Variants in PAMR1 observed in about 807,000 individuals in gnomAD.
The protein encoded by PAMR1 is peptidase domain containing associated with muscle regeneration 1.
Under a neutral mutation model 81.8 loss-of-function variants are expected in PAMR1, and 88 were observed. That is an observed-to-expected ratio of 1.08 (90% CI 0.91 to 1.28). PAMR1 has a LOEUF of 1.28. Ranked by LOEUF, PAMR1 falls within the 50% of genes most tolerant of loss-of-function variation. The pLI is 0.00. For synonymous variants in PAMR1, 336 were observed against 345.3 expected (o/e 0.97, Z 0.30); for missense variants, 935 against 919.7 (o/e 1.02, Z -0.21).
chr11:35,493,310 G>C (rs1361110208), intron 2 of PAMR1, among the ~76,000 whole-genome samples: 2 of 152,072 alleles, frequency 1.3e-5, no homozygotes, highest in African/African-American at 4.8e-5. Flanking sequence ...AATATCTTCA[G>C]TATATAGCCT....
chr11:35,451,000 T>A (rs1856406826), intron 6 of PAMR1, among the ~76,000 whole-genome samples: 1 of 152,218 alleles, frequency 6.6e-6, no homozygotes, highest in Admixed American at 6.5e-5. Context: ...CAAGAAAGAT[T>A]GAGTGATATT....
chr11:35,470,875 C>T (rs983808738), intron 4 of PAMR1, 57 bp from the exon 5 acceptor site: 82 of 1,240,752 alleles, frequency 6.6e-5, no homozygotes, highest in East Asian at 4.7e-4. Context: ...GTCCTGAGAC[C>T]GCTGGGCTCA....
chr11:35,464,622 G>A (rs1336365922), intron 6 of PAMR1, among the ~76,000 whole-genome samples: 4 of 152,080 alleles, frequency 2.6e-5, no homozygotes, highest in South Asian at 2.1e-4. Context: ...AATCACCCCT[G>A]GTTGAGAACC....
chr11:35,494,181 G>A lies in PAMR1; in HGVS notation c.165C>T (p.Cys55=). The A allele has an allele frequency of 3.1e-6, 5 of 1,613,844 alleles. No individual in the cohort carries two copies. Among genetic ancestry groups the A allele is most frequent in the Non-Finnish European group, 4.2e-6 (5 of 1,179,724 alleles). Residue 55 remains cysteine, a synonymous_variant, in exon 2 of 11, where the codon TGC becomes TGT. Coordinates refer to ENST00000619888, the MANE Select transcript of PAMR1 (RefSeq NM_001001991.3). ...CCEYDQIECV[C]PGKREVVGYT... is the part of the protein sequence containing the mutation. The stretch of plus-strand genomic sequence containing the variant: ...AACCCACGACTTCCCTCTTTCCGGG[G>A]CAGACGCACTCAATCTGATCATATT...
intron 3 of PAMR1, among the ~76,000 whole-genome samples, chr11:35,480,564 T>C (rs1275253517): frequency 6.6e-6 from 1 of 152,252 alleles, no homozygotes; most frequent in Non-Finnish European, 1.5e-5. Flanking sequence ...TTTTGTTTTA[T>C]TTCAGATAAT....
chr11:35,483,627 G>T (rs2135391538), intron 3 of PAMR1, among the ~76,000 whole-genome samples: 1 of 152,128 alleles, frequency 6.6e-6, no homozygotes, highest in East Asian at 1.9e-4. Flanking sequence ...CGAATCTCTT[G>T]CTCATCCTGG....
chr11:35,497,508 C>G lies in PAMR1; in HGVS notation c.74-3236G>C, dbSNP rs143196594. Among the ~76,000 whole-genome samples the G allele has an allele frequency of 9.8e-3, 1,497 of 152,250 alleles. 12 individuals are homozygous for G. Among genetic ancestry groups the G allele is most frequent in the Non-Finnish European group, 0.017 (1,178 of 68,004 alleles). On this transcript the variant is annotated intron_variant, in intron 1 of 10. Coordinates refer to ENST00000619888, the MANE Select transcript of PAMR1 (RefSeq NM_001001991.3). Reference sequence around the variant, plus strand: ...GATACAGGTGATGGTTGCACAATCACAGGAATCTAATTAACGCCACAGAAT... The same window carrying G: ...GATACAGGTGATGGTTGCACAATCAGAGGAATCTAATTAACGCCACAGAAT...
chr11:35,467,488 C>G (rs1856778539), intron 6 of PAMR1, among the ~76,000 whole-genome samples: 1 of 152,120 alleles, frequency 6.6e-6, no homozygotes, highest in Non-Finnish European at 1.5e-5. Context: ...AAAACATGAC[C>G]ATATAGTTTG....
chr11:35,436,237 G>A, intron 8 of PAMR1, 102 bp from the exon 9 acceptor site: 3 of 738,042 alleles, frequency 4.1e-6, no homozygotes, highest in African/African-American at 3.5e-5. Context: ...TTTGTTTACA[G>A]AAACAGAAAA....
intron 2 of PAMR1, among the ~76,000 whole-genome samples, chr11:35,493,590 G>A (rs1441347289): frequency 6.6e-6 from 1 of 151,910 alleles, no homozygotes; most frequent in African/African-American, 2.4e-5. Context: ...CTCCCCATCC[G>A]CCTCACCTTG....
chr11:35,483,852 C>T (rs1046415465), intron 3 of PAMR1, among the ~76,000 whole-genome samples: 4 of 152,152 alleles, frequency 2.6e-5, no homozygotes, highest in African/African-American at 9.7e-5. Context: ...AACATGAATT[C>T]TCTGTGGTCA....
At chr11:35,492,903 C>G (rs1392097805) in intron 2 of PAMR1, among the ~76,000 whole-genome samples, 1 of 152,182 alleles carries the variant, frequency 6.6e-6, no homozygotes, top group East Asian at 1.9e-4. Context: ...TCCCACTTAA[C>G]AAAATGGAGA....
intron 8 of PAMR1, among the ~76,000 whole-genome samples, chr11:35,438,687 G>C (rs1465993487): frequency 1.3e-5 from 2 of 152,164 alleles, no homozygotes; most frequent in Non-Finnish European, 2.9e-5. Flanking sequence ...TCACATTTTG[G>C]GGAGGGTGAG....
chr11:35,485,948 G>A (rs1445700442), intron 3 of PAMR1, among the ~76,000 whole-genome samples: 1 of 152,240 alleles, frequency 6.6e-6, no homozygotes, highest in Non-Finnish European at 1.5e-5. Flanking sequence ...ATATGTAGGC[G>A]ACCCTTAACG....
At position 35,510,498 on chromosome 11, in the gene PAMR1, C is replaced by T. The variant is rs563215099; in HGVS notation, c.73+15015G>A. 8.1e-4 allele frequency among the ~76,000 whole-genome samples: 100 copies of T among 123,602 alleles called. 1 individual carries two copies. The highest frequency in any genetic ancestry group is 5.9e-3 in the Middle Eastern group (1 of 170). The allele number at this position is 123,602 out of a possible 152,430, so 81.1% of individuals were successfully genotyped here. A position where few individuals can be genotyped will look rare whatever the true frequency, so the allele number is the denominator to read the frequency against. On this transcript the variant is annotated intron_variant, in intron 1 of 10. Coordinates refer to ENST00000619888, the MANE Select transcript of PAMR1 (RefSeq NM_001001991.3). ...CCCCCGGAAACAGTACACTTTTTAT[C>T]CCCCCAAAAAAAGAGTTCCTTGTGA...
intron 1 of PAMR1, among the ~76,000 whole-genome samples, chr11:35,497,461 TTC>T (rs1472356874): frequency 6.6e-6 from 1 of 152,164 alleles, no homozygotes; most frequent in Non-Finnish European, 1.5e-5. Context: ...GTTACAGAGT[TTC>T]TGTTTGGGGT....
chr11:35,528,786 T>G (rs1002202676), upstream of PAMR1, among the ~76,000 whole-genome samples: 1 of 152,210 alleles, frequency 6.6e-6, no homozygotes, highest in Admixed American at 6.5e-5. Context: ...GCCCTTCTTC[T>G]GTTTCTGGAA....
chr11:35,507,734 G>T (rs1018534786), intron 1 of PAMR1, among the ~76,000 whole-genome samples: 1 of 150,130 alleles, frequency 6.7e-6, no homozygotes. Flanking sequence ...TCTCTGTATG[G>T]CTTGTTTTAT....
intron 1 of PAMR1, among the ~76,000 whole-genome samples, chr11:35,499,892 G>C (rs564272262): frequency 6.6e-6 from 1 of 152,310 alleles, no homozygotes; most frequent in African/African-American, 2.4e-5. Flanking sequence ...GTAATATCCA[G>C]GTGGAACCAA....
Sources: allele counts gnomAD v4.1 joint callset (sites outside exome capture counted in the v4.1 genomes callset), GRCh38; gene constraint gnomAD v4.1.1; transcripts MANE v1.5; gene names NCBI Gene and HGNC (gene_info 2026-07-23, HGNC 2026-07-21).